Variants in NPSR1 observed in about 807,000 individuals in gnomAD.
NPSR1 encodes neuropeptide S receptor 1.
Under a neutral mutation model 46.9 loss-of-function variants are expected in NPSR1, and 48 were observed. The observed-to-expected ratio is 1.02, with a 90% confidence interval of 0.81 to 1.30. The LOEUF (loss-of-function observed/expected upper bound fraction) is 1.30, where lower values mean the gene tolerates loss of function less well. Among genes scored for constraint, NPSR1 ranks in the 50% most tolerant of loss-of-function variants. The pLI, the probability that NPSR1 is intolerant of heterozygous loss-of-function variation, is 0.00. For missense variants in NPSR1, 450 were observed against 449.5 expected, an observed-to-expected ratio of 1.00 and a Z score of -0.01; for synonymous variants, 176 against 168.1, an observed-to-expected ratio of 1.05 and a Z score of -0.36.
At chr7:34,725,282 C>T (rs891509386) in intron 2 of NPSR1, among the ~76,000 whole-genome samples, 11 of 152,208 alleles carry the variant, frequency 7.2e-5, no homozygotes, top group Admixed American at 4.6e-4. Flanking sequence ...GATACTATAG[C>T]CAAAATGGAT....
chr7:34,871,089 C>T (rs752669416), intron 8 of NPSR1, among the ~76,000 whole-genome samples: 4 of 151,772 alleles, frequency 2.6e-5, no homozygotes, highest in Admixed American at 6.6e-5. Flanking sequence ...GGGTAACTTA[C>T]AGATAAAACA....
chr7:34,811,678 G>T (rs1390907527), intron 3 of NPSR1, 92 bp from the exon 4 acceptor site: 1 of 830,292 alleles, frequency 1.2e-6, no homozygotes, highest in Non-Finnish European at 1.9e-6. Context: ...TCACCTCTCA[G>T]ATTTCTAAAT....
chr7:34,825,951 A>G (rs1789814179), intron 4 of NPSR1, among the ~76,000 whole-genome samples: 1 of 152,176 alleles, frequency 6.6e-6, no homozygotes, highest in Non-Finnish European at 1.5e-5. Flanking sequence ...CTAGGGAGAA[A>G]AGACTTAACT....
At chr7:34,752,694 A>C (rs1785601087) in intron 2 of NPSR1, among the ~76,000 whole-genome samples, 1 of 152,216 alleles carries the variant, frequency 6.6e-6, no homozygotes, top group Non-Finnish European at 1.5e-5. Context: ...CGAGTCTCTC[A>C]CAATCTAGTT....
At chr7:34,713,297 T>C (rs770655632) in intron 2 of NPSR1, among the ~76,000 whole-genome samples, 2 of 152,144 alleles carry the variant, frequency 1.3e-5, no homozygotes, top group South Asian at 4.1e-4. Context: ...TAGGAGTCAG[T>C]ATATTCGTAG....
intron 8 of NPSR1, among the ~76,000 whole-genome samples, chr7:34,856,028 G>A: frequency 6.6e-6 from 1 of 152,116 alleles, no homozygotes; most frequent in Non-Finnish European, 1.5e-5. Flanking sequence ...TTATCTGCAA[G>A]AAAGCTACAG....
intron 1 of NPSR1, among the ~76,000 whole-genome samples, chr7:34,676,922 C>A (rs547437863): frequency 3.9e-5 from 6 of 152,214 alleles, no homozygotes; most frequent in African/African-American, 1.4e-4. Flanking sequence ...ATTTGCTCAG[C>A]CTGCCCTAGA....
intron 2 of NPSR1, among the ~76,000 whole-genome samples, chr7:34,771,246 G>A (rs914674212): frequency 1.3e-5 from 2 of 152,094 alleles, no homozygotes; most frequent in Non-Finnish European, 2.9e-5. Flanking sequence ...ACCAGCCTGG[G>A]CAACATAGTG....
intron 3 of NPSR1, among the ~76,000 whole-genome samples, chr7:34,780,853 C>A (rs1787197611): frequency 6.6e-6 from 1 of 152,130 alleles, no homozygotes; most frequent in African/African-American, 2.4e-5. Flanking sequence ...TCAGAACTCA[C>A]CCACTGTGAA....
At chr7:34,851,874 A>G (rs1025434917), downstream of NPSR1, among the ~76,000 whole-genome samples, 1 of 152,232 alleles carries the variant, frequency 6.6e-6, no homozygotes, top group African/African-American at 2.4e-5. Flanking sequence ...GATCAATAAG[A>G]TAATGGTACA....
chr7:34,867,312 C>T lies in NPSR1; in HGVS notation c.1026-10764C>T, dbSNP rs1029663589. Among the ~76,000 whole-genome samples, 73 of 151,966 alleles carry T rather than the reference C, an allele frequency of 4.8e-4. 3 individuals are homozygous for T. The highest frequency in any genetic ancestry group is 1.7e-3 in the African/African-American group (70 of 41,252). ...AGATGGCAAAGTGGCAGGTGGAAAG[C>T]GTGGTAGATGTGGAGTCCCATGTGA... On this transcript the variant is annotated intron_variant, in intron 8 of 8. Transcript: ENST00000359791.
chr7:34,790,892 A>G (rs1421467920), intron 3 of NPSR1, among the ~76,000 whole-genome samples: 2 of 106,826 alleles, frequency 1.9e-5, no homozygotes, highest in Non-Finnish European at 3.7e-5. Context: ...TATATATCAT[A>G]TATGTTATAT....
At chr7:34,677,216 C>T (rs1404313229) in intron 1 of NPSR1, among the ~76,000 whole-genome samples, 1 of 152,170 alleles carries the variant, frequency 6.6e-6, no homozygotes, top group Non-Finnish European at 1.5e-5. Context: ...AAGAAGGCAG[C>T]CATTTTCTGC....
intron 2 of NPSR1, among the ~76,000 whole-genome samples, chr7:34,720,212 G>A (rs1783782522): frequency 1.3e-5 from 2 of 151,738 alleles, no homozygotes; most frequent in South Asian, 2.1e-4. Flanking sequence ...CCCGGGAGGT[G>A]GATGTTGCAG....
intron 2 of NPSR1, among the ~76,000 whole-genome samples, chr7:34,758,829 G>A (rs1786014730): frequency 6.6e-6 from 1 of 152,038 alleles, no homozygotes; most frequent in Admixed American, 6.6e-5. Context: ...ATCCTTTTTA[G>A]CACAAAAAAC....
intron 1 of NPSR1, among the ~76,000 whole-genome samples, chr7:34,672,719 G>C (rs1341380455): frequency 6.6e-6 from 1 of 152,182 alleles, no homozygotes. Context: ...TACAGTCCCA[G>C]TCTGAAGGTG....
intron 2 of NPSR1, among the ~76,000 whole-genome samples, chr7:34,710,584 A>G (rs914975923): frequency 5.3e-5 from 8 of 152,196 alleles, no homozygotes; most frequent in African/African-American, 1.9e-4. Flanking sequence ...AGAAAACAGG[A>G]TGCCTAGAAG....
rs1011664181 is a variant in NPSR1, at chr7:34,849,652, C to T, written c.1113C>T (p.Ile371=). 4.3e-6 allele frequency: 7 copies of T among 1,613,978 alleles called. No homozygotes were observed. Among genetic ancestry groups the T allele is most frequent in the Non-Finnish European group, 4.2e-6 (5 of 1,180,010 alleles). Residue 371 remains isoleucine (I), a synonymous_variant, in exon 9 of 9, where the codon ATC becomes ATT. Transcript: ENST00000360581. ...EMQILSKPEF[I] ...AGATTCTGTCCAAGCCAGAATTCAT[C>T]TAGACCCTAGGGCAGTGCCAGTGCT...
chr7:34,712,670 C>T (rs1562670421), intron 2 of NPSR1, among the ~76,000 whole-genome samples: 1 of 152,300 alleles, frequency 6.6e-6, no homozygotes, highest in East Asian at 1.9e-4. Context: ...AATCCCTGAG[C>T]AGAGGAACAA....
Sources: allele counts gnomAD v4.1 joint callset (sites outside exome capture counted in the v4.1 genomes callset), GRCh38; gene constraint gnomAD v4.1.1; transcripts MANE v1.5; gene names NCBI Gene and HGNC (gene_info 2026-07-23, HGNC 2026-07-21).